Variants in SERPINA12 observed in about 807,000 individuals in gnomAD.
SERPINA12 encodes the protein serpin family A member 12, also known as serpin A12.
SERPINA12 carries 21 observed loss-of-function variants against 25.9 expected under a neutral mutation model. The ratio of observed to expected loss-of-function variants is 0.81; its 90% CI spans 0.58 to 1.17. The LOEUF is 1.17. SERPINA12 is among the 50% of genes most tolerant of loss of function. The pLI is 0.00. For missense variants in SERPINA12, 562 were observed against 508.3 expected (o/e 1.11, Z -1.02); for synonymous variants, 220 against 196.0 (o/e 1.12, Z -1.02).
chr14:94,488,234 G>T (rs997760593), intron 4 of SERPINA12, among the ~76,000 whole-genome samples: 2 of 152,108 alleles, frequency 1.3e-5, no homozygotes, highest in African/African-American at 4.8e-5. Context: ...TAGTAACTAT[G>T]TTTCTTATGT....
intron 1 of SERPINA12, among the ~76,000 whole-genome samples, chr14:94,502,349 G>A (rs867928490): frequency 6.6e-6 from 1 of 152,108 alleles, no homozygotes. Context: ...TAGCATAGGC[G>A]GCTTAAGTCT....
chr14:94,490,165 C>G (rs1900108041), intron 3 of SERPINA12, among the ~76,000 whole-genome samples: 1 of 152,206 alleles, frequency 6.6e-6, no homozygotes, highest in African/African-American at 2.4e-5. Flanking sequence ...TGGAGGTAGA[C>G]AGAACTGAGT....
chr14:94,490,022 G>A lies in SERPINA12; in HGVS notation c.906-255C>T, dbSNP rs1043355828. 2.0e-5 allele frequency among the ~76,000 whole-genome samples: 3 copies of A among 151,544 alleles called. 1 individual carries two copies. The highest frequency in any genetic ancestry group is 7.3e-5 in the African/African-American group (3 of 40,896). ...TACAGGGAGTGTTCTCAAGTCTCAA[G>A]TTCCCCCGTCTCAGAGCCCCTTCAG... On this transcript the variant is annotated intron_variant, in intron 3 of 4. Coordinates refer to ENST00000677451, the MANE Select transcript of SERPINA12 (RefSeq NM_001382267.1).
intron 4 of SERPINA12, among the ~76,000 whole-genome samples, chr14:94,489,052 G>A (rs935622779): frequency 2.6e-5 from 4 of 151,632 alleles, no homozygotes; most frequent in East Asian, 2.0e-4. Flanking sequence ...AGCTGAGATC[G>A]CACCACTGTA....
upstream of SERPINA12, among the ~76,000 whole-genome samples, chr14:94,512,338 T>A (rs771386620): frequency 6.6e-6 from 1 of 152,230 alleles, no homozygotes; most frequent in Non-Finnish European, 1.5e-5. Flanking sequence ...TGTGCCTCAG[T>A]ATTTCCATCT....
intron 1 of SERPINA12, among the ~76,000 whole-genome samples, chr14:94,504,933 G>C (rs1900879726): frequency 6.6e-6 from 1 of 152,164 alleles, no homozygotes; most frequent in African/African-American, 2.4e-5. Flanking sequence ...CTTATCTTCA[G>C]TTTTACCACT....
At chr14:94,511,271 A>T, upstream of SERPINA12, 1 of 309,932 alleles carries the variant, frequency 3.2e-6, no homozygotes, top group Non-Finnish European at 4.7e-6. Flanking sequence ...ATATACACAC[A>T]CACATTTAAT....
At chr14:94,509,862 T>C (rs1423334226), upstream of SERPINA12, 2 of 504,582 alleles carry the variant, frequency 4.0e-6, no homozygotes, top group Admixed American at 6.4e-5. Context: ...CCTGTGATCA[T>C]CTTTGAGCAG....
At chr14:94,503,374 T>A in intron 1 of SERPINA12, 1 of 945,786 alleles carries the variant, frequency 1.1e-6, no homozygotes, top group Non-Finnish European at 1.3e-6. Flanking sequence ...TTAAGAAATA[T>A]GTTTGAGTCC....
In SERPINA12 at chr14:94,495,177, T is replaced by C. The variant is rs1268879095; in HGVS notation, c.905+1196A>G. On this transcript the variant is annotated intron_variant, in intron 3 of 4. Coordinates refer to ENST00000677451, the MANE Select transcript of SERPINA12 (RefSeq NM_001382267.1). The stretch of plus-strand genomic sequence containing the variant: ...TCCGCCTCCCGGGTTCATGCCATTC[T>C]CCTGCCTCAGCCTCCCAAGTAGCTG... Among the ~76,000 whole-genome samples the C allele has an allele frequency of 4.8e-5, 7 of 145,362 alleles. No homozygotes were observed. The East Asian group carries it at 1.0e-3, about 22-fold the overall frequency.
chr14:94,492,505 C>A (rs922401235), intron 3 of SERPINA12, among the ~76,000 whole-genome samples: 6 of 152,126 alleles, frequency 3.9e-5, no homozygotes, highest in African/African-American at 9.7e-5. Flanking sequence ...TTTTCCCTGG[C>A]CCCCTGCGAG....
In SERPINA12 at chr14:94,496,597, A is replaced by T; in HGVS notation, c.681T>A (p.Asp227Glu). The stretch of plus-strand genomic sequence containing the variant: ...CTGAACTGTTTTTCTCCAGAAAGAA[A>T]TCTTCCTCTTTAGTTACATTTGGAT... ...EFDPNVTKEE[D>E]FFLEKNSSVK... The change falls in exon 3 of 5, where the codon GAT becomes GAA. Residue 227 changes from aspartate to glutamate, a missense_variant. Asp to Glu is a conservative substitution (Grantham distance 45). Transcript: ENST00000677451. The T allele has an allele frequency of 6.2e-7, 1 of 1,614,070 alleles. No homozygotes were observed. The highest frequency in any genetic ancestry group is 1.1e-5 in the South Asian group (1 of 91,062).
upstream of SERPINA12, chr14:94,510,192 C>A: frequency 1.0e-6 from 1 of 985,410 alleles, no homozygotes; most frequent in Non-Finnish European, 1.2e-6. Context: ...TGCATTGGAT[C>A]TGTGGTTGCC....
chr14:94,510,529 C>G (rs1901081624), upstream of SERPINA12, among the ~76,000 whole-genome samples: 1 of 152,108 alleles, frequency 6.6e-6, no homozygotes, highest in African/African-American at 2.4e-5. Flanking sequence ...TTACTACAAC[C>G]CCTATGGAAA....
Position 94,489,743 on chromosome 14 carries a change from T to C in SERPINA12, c.930A>G (p.Arg310=), listed in dbSNP as rs762484612. 5 of 1,613,924 alleles carry C rather than the reference T, an allele frequency of 3.1e-6. No homozygotes were observed. In the South Asian group the frequency reaches 4.4e-5, roughly 14 times the overall value. The part of the protein sequence containing the change: ...SRRVVDVSVP[R]LHMTGTFDLK... ...GGTCGAAGGTGCCCGTCATGTGGAG[T>C]CTGGGTACAGACACGTCTACGACCC... The change falls in exon 4 of 5, where the codon AGA becomes AGG. Residue 310 remains arginine (R), a synonymous_variant. Coordinates refer to ENST00000677451, the MANE Select transcript of SERPINA12 (RefSeq NM_001382267.1).
At chr14:94,503,482 T>C (rs1160515865) in intron 1 of SERPINA12, 1 of 206,496 alleles carries the variant, frequency 4.8e-6, no homozygotes, top group Non-Finnish European at 8.5e-6. Context: ...CCCCACAGCC[T>C]TCTCCAAACC....
At chr14:94,489,188 A>C (rs1005089925) in intron 4 of SERPINA12, among the ~76,000 whole-genome samples, 2 of 150,574 alleles carry the variant, frequency 1.3e-5, no homozygotes, top group African/African-American at 4.9e-5. Context: ...AGAGAGAGAC[A>C]GAGAAAGAAA....
chr14:94,509,662 A>G (rs912275683), upstream of SERPINA12, among the ~76,000 whole-genome samples: 3 of 152,192 alleles, frequency 2.0e-5, no homozygotes, highest in Non-Finnish European at 2.9e-5. Context: ...GATCAGGCCT[A>G]CTTTTTCTCT....
At chr14:94,504,769 T>C (rs1900873544) in intron 1 of SERPINA12, among the ~76,000 whole-genome samples, 1 of 152,204 alleles carries the variant, frequency 6.6e-6, no homozygotes, top group South Asian at 2.1e-4. Flanking sequence ...GAGACTATGG[T>C]TGGGTTCTCT....
Sources: gnomAD v4.1 joint callset for allele counts (sites outside exome capture counted in the v4.1 genomes callset) on GRCh38, gnomAD v4.1.1 for gene constraint, MANE v1.5 for transcripts, NCBI Gene and HGNC (gene_info 2026-07-23, HGNC 2026-07-21) for gene names.